The following IKZF1 variants were observed in gnomAD, a reference collection of about 807,000 sequenced individuals.
IKZF1 encodes IKAROS family zinc finger 1.
Under a neutral mutation model 51.7 loss-of-function variants are expected in IKZF1, and 10 were observed. The ratio of observed to expected loss-of-function variants is 0.19; its 90% CI spans 0.12 to 0.33. The LOEUF (loss-of-function observed/expected upper bound fraction) is 0.33, where lower values mean the gene tolerates loss of function less well. IKZF1 is among the 10% of genes least tolerant of loss of function. The probability of loss-of-function intolerance (pLI) is 1.00; values close to 1 mark genes in which losing one functional copy is unlikely to be tolerated. For synonymous variants in IKZF1, 280 were observed against 282.3 expected (o/e 0.99, Z 0.08); for missense variants, 484 against 707.5 (o/e 0.68, Z 3.58).
rs901716979 is a variant in IKZF1 at position 50,334,025 on chromosome 7, T to C, written c.160+6268T>C. On this transcript the variant is annotated intron_variant, in intron 3 of 7. Coordinates refer to ENST00000331340, the MANE Select transcript of IKZF1 (RefSeq NM_006060.6). ...TTTCCATGTTTGATAAGAGAGGCCA[T>C]CATGTAACAGGTTCATTGCTTCGCA... Among the ~76,000 whole-genome samples, 935 of 152,344 alleles carry C rather than the reference T, an allele frequency of 6.1e-3. 11 individuals carry two copies. Among genetic ancestry groups the C allele is most frequent in the African/African-American group, 0.021 (890 of 41,580 alleles).
At chr7:50,315,565 G>A (rs577749067) in intron 1 of IKZF1, among the ~76,000 whole-genome samples, 1 of 152,340 alleles carries the variant, frequency 6.6e-6, no homozygotes, top group Non-Finnish European at 1.5e-5. Flanking sequence ...ACAGGTAAAA[G>A]GTAGTTTGCT....
intron 3 of IKZF1, among the ~76,000 whole-genome samples, chr7:50,371,553 G>C (rs1049041868): frequency 6.6e-6 from 1 of 152,224 alleles, no homozygotes; most frequent in African/African-American, 2.4e-5. Context: ...CTGCCATCAG[G>C]GTTCCCATCA....
chr7:50,360,667 T>C (rs759017474), intron 3 of IKZF1, among the ~76,000 whole-genome samples: 4 of 152,244 alleles, frequency 2.6e-5, no homozygotes, highest in African/African-American at 4.8e-5. Flanking sequence ...CTAGAGCACA[T>C]GCTAAACAGT....
chr7:50,391,919 G>A (rs1584984784), intron 7 of IKZF1, 56 bp downstream of exon 7: 1 of 1,558,428 alleles, frequency 6.4e-7, no homozygotes, highest in Admixed American at 1.9e-5. Context: ...TGTTTTAGAT[G>A]CAAGTAGAAA....
At chr7:50,369,565 C>T (rs1403475548) in intron 3 of IKZF1, 1 of 398,516 alleles carries the variant, frequency 2.5e-6, no homozygotes, top group East Asian at 3.6e-5. Flanking sequence ...GCTACTTGGT[C>T]TTGATGCCTT....
intron 3 of IKZF1, among the ~76,000 whole-genome samples, chr7:50,348,571 A>G (rs114601552): frequency 0.024 from 3,585 of 152,328 alleles, 143 homozygotes; most frequent in African/African-American, 0.081. Flanking sequence ...CCACAGCCGC[A>G]GCAGAGGCCC....
intron 7 of IKZF1, among the ~76,000 whole-genome samples, chr7:50,399,200 C>G (rs1817473856): frequency 6.6e-6 from 1 of 152,218 alleles, no homozygotes; most frequent in South Asian, 2.1e-4. Flanking sequence ...CTCCTACCCT[C>G]CACCACATGT....
intron 2 of IKZF1, among the ~76,000 whole-genome samples, chr7:50,325,774 C>T (rs181026798): frequency 3.5e-5 from 5 of 143,242 alleles, no homozygotes; most frequent in African/African-American, 7.8e-5. Flanking sequence ...GACTCTGTCT[C>T]GAAAAAAAAA....
chr7:50,348,218 AT>A (rs1354928451), intron 3 of IKZF1, among the ~76,000 whole-genome samples: 1 of 152,222 alleles, frequency 6.6e-6, no homozygotes, highest in African/African-American at 2.4e-5. Flanking sequence ...AAAGAAATTC[AT>A]TTTTTAAGTT....
At chr7:50,343,763 G>C (rs1003885545) in intron 3 of IKZF1, among the ~76,000 whole-genome samples, 1 of 152,236 alleles carries the variant, frequency 6.6e-6, no homozygotes, top group African/African-American at 2.4e-5. Context: ...CTAACGTTGA[G>C]AATCCGCATT....
In IKZF1 at chr7:50,400,339, C is replaced by G; in HGVS notation, c.1272C>G (p.Asn424Lys). Reference protein sequence around the residue: ...LTNHIAPHARNGLSLKEEHRA... With the variant: ...LTNHIAPHARKGLSLKEEHRA... ...ACCACATCGCCCCGCACGCGCGCAA[C>G]GGGCTGTCGCTCAAGGAGGAGCACC... The change falls in exon 8 of 8, where the codon AAC becomes AAG. Residue 424 changes from asparagine to lysine, a missense_variant. Physicochemically the swap from Asn to Lys is moderately conservative, Grantham distance 94. This residue lies in a region of IKZF1 where 72 missense variants were observed against 67.5 expected (regional missense o/e 1.07). Transcript: ENST00000331340. The surrounding 1 kb of genome is among the most constrained non-coding windows in gnomAD (Gnocchi z 5.4). The G allele has an allele frequency of 1.2e-6, 2 of 1,612,968 alleles. No individual in the cohort carries two copies. The highest frequency in any genetic ancestry group is 1.7e-6 in the Non-Finnish European group (2 of 1,179,716).
chr7:50,332,550 C>T (rs1796646419), intron 3 of IKZF1, among the ~76,000 whole-genome samples: 1 of 152,016 alleles, frequency 6.6e-6, no homozygotes, highest in African/African-American at 2.4e-5. Flanking sequence ...GATGGCCACC[C>T]CTGAGAAAGA....
intron 2 of IKZF1, among the ~76,000 whole-genome samples, chr7:50,323,901 T>G (rs1794115102): frequency 1.3e-5 from 2 of 152,330 alleles, no homozygotes; most frequent in Admixed American, 6.5e-5. Flanking sequence ...AATCATGCTT[T>G]TCAGCCTCCT....
intron 3 of IKZF1, among the ~76,000 whole-genome samples, chr7:50,351,934 A>C (rs1318232437): frequency 6.6e-6 from 1 of 152,204 alleles, no homozygotes; most frequent in African/African-American, 2.4e-5. Context: ...TTAGCTCAAA[A>C]GTACTATCCT....
intron 3 of IKZF1, among the ~76,000 whole-genome samples, chr7:50,348,589 T>C (rs1800989238): frequency 6.6e-6 from 1 of 152,206 alleles, no homozygotes; most frequent in African/African-American, 2.4e-5. Context: ...CCCTGCCCAC[T>C]TGAACAATGA....
Position 50,400,293 on chromosome 7 carries a change from G to A in IKZF1, c.1226G>A (p.Ser409Asn), listed in dbSNP as rs2153518826. ...GAGAGCAACAACGAGGAGCAGCGCA[G>A]CGGTCTCATCTACCTGACCAACCAC... ...DTESNNEEQR[S>N]GLIYLTNHIA... is the part of the protein sequence containing the mutation. The change falls in exon 8 of 8, where the codon AGC (serine) becomes AAC (asparagine). Residue 409 changes from serine (S) to asparagine (N), a missense_variant. Transcript: ENST00000331340. The surrounding 1 kb of genome is among the most constrained non-coding windows in gnomAD (Gnocchi z 5.4). 1 of 1,612,838 alleles carries A rather than the reference G, an allele frequency of 6.2e-7. No individual in the cohort carries two copies. Among genetic ancestry groups the A allele is most frequent in the Non-Finnish European group, 8.5e-7 (1 of 1,179,672 alleles).
In IKZF1 at chr7:50,400,365, G is replaced by A. The variant is rs2153519127; in HGVS notation, c.1298G>A (p.Arg433His). The A allele has an allele frequency of 5.0e-6, 8 of 1,613,042 alleles. No individual in the cohort carries two copies. The highest frequency in any genetic ancestry group is 6.8e-6 in the Non-Finnish European group (8 of 1,179,768). Residue 433 changes from arginine to histidine, a missense_variant, in exon 8 of 8, where the codon CGC (arginine) becomes CAC (histidine). Around this residue, in one of 6 missense-constraint regions of IKZF1, gnomAD observed 72 missense variants for 67.5 expected, o/e 1.07. Transcript: ENST00000331340. The surrounding 1 kb of genome is among the most constrained non-coding windows in gnomAD (Gnocchi z 5.4). ...GGGCTGTCGCTCAAGGAGGAGCACC[G>A]CGCCTACGACCTGCTGCGCGCCGCC... ...RNGLSLKEEHRAYDLLRAASE... is the reference protein window; with the variant it reads ...RNGLSLKEEHHAYDLLRAASE...
chr7:50,359,788 G>A (rs1804669379), intron 3 of IKZF1, among the ~76,000 whole-genome samples: 1 of 152,170 alleles, frequency 6.6e-6, no homozygotes, highest in Admixed American at 6.5e-5. Context: ...AGTTATGCCA[G>A]ATTGCCTGCA....
At position 50,376,971 on chromosome 7, in the gene IKZF1, C is replaced by T; in HGVS notation, c.421+178C>T. The T allele has an allele frequency of 9.1e-7, 1 of 1,104,312 alleles. No individual in the cohort carries two copies. The highest frequency in any genetic ancestry group is 1.3e-6 in the Non-Finnish European group (1 of 794,224). The allele number at this position is 1,104,312 out of a possible 1,614,324, so 68.4% of individuals were successfully genotyped here. ...TCATAGAGTCCTTGTTCTGGTACAGCCTTGTAAAGGACTTCTCAACACGTA... is the reference window on the plus strand; with the variant it reads ...TCATAGAGTCCTTGTTCTGGTACAGTCTTGTAAAGGACTTCTCAACACGTA... On this transcript the variant is annotated intron_variant, in intron 4 of 7. Transcript: ENST00000331340. The surrounding 1 kb of genome is among the most constrained non-coding windows in gnomAD (Gnocchi z 4.5).
Sources: gnomAD v4.1 joint callset for allele counts (sites outside exome capture counted in the v4.1 genomes callset) on GRCh38, gnomAD v4.1.1 for gene constraint, gnomAD v4.1.1 regional missense constraint, Gnocchi (gnomAD v3.1) non-coding constraint, MANE v1.5 for transcripts, NCBI Gene and HGNC (gene_info 2026-07-23, HGNC 2026-07-21) for gene names.